The following PTPRG variants were observed in gnomAD, a reference collection of about 807,000 sequenced individuals.
PTPRG encodes the protein receptor-type tyrosine-protein phosphatase gamma.
A neutral mutation model predicts 165.3 loss-of-function variants in PTPRG; 102 were observed. The ratio of observed to expected loss-of-function variants is 0.62; its 90% CI spans 0.53 to 0.73. The LOEUF (loss-of-function observed/expected upper bound fraction) is 0.73, where lower values mean the gene tolerates loss of function less well. PTPRG is among the 30% of genes least tolerant of loss of function. The pLI is 0.00. For synonymous variants in PTPRG, 675 were observed against 669.5 expected (o/e 1.01, Z -0.13); for missense variants, 1,866 against 1,861.4 (o/e 1.00, Z -0.05).
At chr3:61,875,916 C>A (rs1298947687) in intron 2 of PTPRG, among the ~76,000 whole-genome samples, 1 of 152,110 alleles carries the variant, frequency 6.6e-6, no homozygotes, top group African/African-American at 2.4e-5. Context: ...TCACTGGTTT[C>A]CCACTGGGGA....
At chr3:62,257,476 T>C (rs1701564512) in intron 16 of PTPRG, among the ~76,000 whole-genome samples, 1 of 152,196 alleles carries the variant, frequency 6.6e-6, no homozygotes, top group South Asian at 2.1e-4. Flanking sequence ...GCACTGTGCA[T>C]GGATCATTCT....
chr3:62,286,212 G>A (rs374254156), intron 28 of PTPRG, among the ~76,000 whole-genome samples: 22 of 152,208 alleles, frequency 1.4e-4, no homozygotes, highest in African/African-American at 5.1e-4. Flanking sequence ...AATAGCAAAG[G>A]CTGCAAAGAC....
chr3:61,856,579 C>T (rs1019492544), intron 2 of PTPRG, among the ~76,000 whole-genome samples: 3 of 152,058 alleles, frequency 2.0e-5, no homozygotes, highest in Non-Finnish European at 2.9e-5. Context: ...CAAGTGTATT[C>T]CCGTATTTTG....
intron 5 of PTPRG, among the ~76,000 whole-genome samples, chr3:62,114,839 T>C (rs1702802756): frequency 6.6e-6 from 1 of 152,120 alleles, no homozygotes; most frequent in South Asian, 2.1e-4. Flanking sequence ...CAGGGTTCAC[T>C]ATGTTGTCCA....
chr3:62,273,462 G>A lies in PTPRG; in HGVS notation c.3319-236G>A, dbSNP rs113965878. 2.6e-5 allele frequency among the ~76,000 whole-genome samples: 4 copies of A among 152,194 alleles called. No individual in the cohort carries two copies. The South Asian group carries it at 6.2e-4, about 24-fold the overall frequency. ...GAGTTGAAGCAATAAGCACAGTATA[G>A]AATACCGTGATCCAGGCACAGTATA... is the stretch of plus-strand genomic sequence containing the variant. On this transcript the variant is annotated intron_variant, in intron 22 of 29. Transcript: ENST00000474889. This position sits in a 1 kb window ranked among gnomAD's most constrained non-coding sequence, Gnocchi z 4.1.
rs915476943 is a variant in PTPRG, at chr3:61,795,365, G to A, written c.190+46383G>A. ...TGTAAAAAGTAGGCGGGAATAGGCC[G>A]GGCATGATGGCTCACACCTATAATC... On this transcript the variant is annotated intron_variant, in intron 2 of 29. Transcript: ENST00000474889. Among the ~76,000 whole-genome samples the A allele has an allele frequency of 4.6e-5, 7 of 152,008 alleles. No individual in the cohort carries two copies. The East Asian group carries it at 1.2e-3, about 25-fold the overall frequency.
intron 2 of PTPRG, 172 bp downstream of exon 2, chr3:61,749,154 C>A: frequency 1.4e-6 from 1 of 700,286 alleles, no homozygotes; most frequent in Admixed American, 2.0e-5. Context: ...TTATAAGCAC[C>A]TTAATTTATC....
At chr3:61,829,728 C>T (rs2036218326) in intron 2 of PTPRG, among the ~76,000 whole-genome samples, 1 of 152,072 alleles carries the variant, frequency 6.6e-6, no homozygotes, top group African/African-American at 2.4e-5. Context: ...GACACAGCTT[C>T]CTTTTGGTTT....
At chr3:61,769,843 A>G (rs920457737) in intron 2 of PTPRG, 2 of 152,170 alleles carry the variant, frequency 1.3e-5, no homozygotes, top group South Asian at 2.1e-4. Context: ...AGAGTAGCAC[A>G]TTCCCCAATT....
chr3:61,891,931 C>G (rs1322350993), intron 2 of PTPRG, among the ~76,000 whole-genome samples: 1 of 150,908 alleles, frequency 6.6e-6, no homozygotes, highest in Non-Finnish European at 1.5e-5. Flanking sequence ...TAAATTAATA[C>G]AAACTGATAT....
Position 61,621,051 on chromosome 3 carries a change from A to ATATATATGTGTG in PTPRG, c.85+58680_85+58681insATATATGTGTGT. Among the ~76,000 whole-genome samples, 464 of 117,966 alleles carry ATATATATGTGTG rather than the reference A, an allele frequency of 3.9e-3. 6 individuals carry two copies. The highest frequency in any genetic ancestry group is 0.013 in the African/African-American group (444 of 33,494). The allele number at this position is 117,966 out of a possible 152,430, so 77.4% of individuals were successfully genotyped here. Reference sequence around the variant, plus strand: ...TGTGTGTGTATATATATATATATATATGTGTGTGTGTGTGTGTGTGTGTGT... The same window carrying ATATATATGTGTG: ...TGTGTGTGTATATATATATATATATATATATATGTGTGTGTGTGTGTGTGTGTGTGTGTGTGT... On this transcript the variant is annotated intron_variant, in intron 1 of 29. Coordinates refer to ENST00000474889, the MANE Select transcript of PTPRG (RefSeq NM_002841.4).
chr3:62,106,179 C>G (rs1702466286), intron 5 of PTPRG, among the ~76,000 whole-genome samples: 1 of 152,096 alleles, frequency 6.6e-6, no homozygotes, highest in South Asian at 2.1e-4. Context: ...TTTTCTAAAT[C>G]TATATGGTTT....
At chr3:61,587,147 T>G (rs1272765608) in intron 1 of PTPRG, among the ~76,000 whole-genome samples, 2 of 152,250 alleles carry the variant, frequency 1.3e-5, no homozygotes, top group Non-Finnish European at 2.9e-5. Context: ...CTCCCTACAT[T>G]ATTGTGTAAA....
intron 2 of PTPRG, among the ~76,000 whole-genome samples, chr3:61,988,358 G>C (rs1225720502): frequency 6.6e-6 from 1 of 152,112 alleles, no homozygotes; most frequent in Non-Finnish European, 1.5e-5. Flanking sequence ...TATATCTACT[G>C]TGAGCTGTTA....
At chr3:61,585,314 G>T (rs1203576280) in intron 1 of PTPRG, among the ~76,000 whole-genome samples, 1 of 149,326 alleles carries the variant, frequency 6.7e-6, no homozygotes, top group Non-Finnish European at 1.5e-5. Flanking sequence ...AGGAAGAAAA[G>T]AAAATAGGGG....
chr3:61,696,726 T>G (rs2030623392), intron 1 of PTPRG, among the ~76,000 whole-genome samples: 1 of 152,234 alleles, frequency 6.6e-6, no homozygotes. Flanking sequence ...CCTAGCTTTT[T>G]TCAATGGAGA....
intron 2 of PTPRG, among the ~76,000 whole-genome samples, chr3:61,986,983 A>G (rs995992648): frequency 2.0e-5 from 3 of 152,184 alleles, no homozygotes; most frequent in East Asian, 1.9e-4. Context: ...ATTCAATACT[A>G]TGAGTCTTGT....
intron 1 of PTPRG, among the ~76,000 whole-genome samples, chr3:61,680,115 G>T (rs1703379858): frequency 6.6e-6 from 1 of 152,158 alleles, no homozygotes; most frequent in Non-Finnish European, 1.5e-5. Flanking sequence ...AGACGTACCT[G>T]ATGCAGGGAA....
At chr3:61,883,805 G>A (rs114614948) in intron 2 of PTPRG, among the ~76,000 whole-genome samples, 98 of 152,208 alleles carry the variant, frequency 6.4e-4, no homozygotes, top group African/African-American at 2.3e-3. Flanking sequence ...CTACCTCTCA[G>A]GCTTAAGCAA....
Sources: allele counts gnomAD v4.1 joint callset (sites outside exome capture counted in the v4.1 genomes callset), GRCh38; gene constraint gnomAD v4.1.1; non-coding constraint Gnocchi (gnomAD v3.1); transcripts MANE v1.5; gene names NCBI Gene and HGNC (gene_info 2026-07-23, HGNC 2026-07-21).